Variants in MDGA2 observed in about 807,000 individuals in gnomAD.
MDGA2 encodes MAM domain-containing glycosylphosphatidylinositol anchor protein 2.
In MDGA2, 40 loss-of-function variants were observed where a neutral mutation model predicts 117.8. The observed-to-expected ratio is 0.34, with a 90% CI of 0.26 to 0.44. The LOEUF (loss-of-function observed/expected upper bound fraction) is 0.44. MDGA2 is among the 20% of genes least tolerant of loss of function. The pLI, the probability that MDGA2 is intolerant of heterozygous loss-of-function variation, is 1.00. For missense variants in MDGA2, 1,123 were observed against 1,250.6 expected (o/e 0.90, Z 1.54); for synonymous variants, 452 against 439.0 (o/e 1.03, Z -0.37).
intron 1 of MDGA2, among the ~76,000 whole-genome samples, chr14:47,311,050 T>G (rs759732880): frequency 3.3e-5 from 5 of 152,118 alleles, no homozygotes; most frequent in Non-Finnish European, 7.4e-5. Flanking sequence ...TTGCCTCTTA[T>G]AAATTATCAC....
rs577289003 is a variant in MDGA2, at chr14:47,000,112, TAAA to T, written c.1819+34896_1819+34898del. On this transcript the variant is annotated intron_variant, in intron 8 of 16. Coordinates refer to ENST00000399232, the MANE Select transcript of MDGA2 (RefSeq NM_001113498.3). ...TGTATAAAAATAAAAATATTATAGC[TAAA>T]AAGTTACATGAATATTAGTGGTTGC... is the stretch of plus-strand genomic sequence containing the variant. Among the ~76,000 whole-genome samples, 52 of 151,452 alleles carry T rather than the reference TAAA, an allele frequency of 3.4e-4. 1 individual carries two copies. The South Asian group carries it at 0.011, about 31-fold the overall frequency.
chr14:46,982,705 C>CAAAAAAAAAA (rs59530070), intron 8 of MDGA2, among the ~76,000 whole-genome samples: 40 of 45,934 alleles, frequency 8.7e-4, no homozygotes, highest in African/African-American at 3.5e-3. Context: ...GAGACTCCAT[C>CAAAAAAAAAA]AAAAAAAAAA....
At chr14:47,624,044 G>A (rs1415227422) in intron 1 of MDGA2, among the ~76,000 whole-genome samples, 2 of 152,048 alleles carry the variant, frequency 1.3e-5, no homozygotes, top group Non-Finnish European at 2.9e-5. Flanking sequence ...CTTTTTTGAG[G>A]CACTGATTTT....
In MDGA2 at chr14:47,595,564, A is replaced by ACAC. The variant is rs59143027; in HGVS notation, c.280+78952_280+78953insGTG. The stretch of plus-strand genomic sequence containing the variant: ...CCAAAAAACAAAAAAAAACAAAAAA[A>ACAC]AAAAAAACCCAGCAACCCATAAAAA... On this transcript the variant is annotated intron_variant, in intron 1 of 16. Transcript: ENST00000399232. Among the ~76,000 whole-genome samples, 10 of 146,682 alleles carry ACAC rather than the reference A, an allele frequency of 6.8e-5. 1 individual carries two copies. The South Asian group carries it at 1.7e-3, about 25-fold the overall frequency.
intron 6 of MDGA2, among the ~76,000 whole-genome samples, chr14:47,072,774 T>C (rs972193201): frequency 1.3e-5 from 2 of 152,182 alleles, no homozygotes; most frequent in African/African-American, 2.4e-5. Context: ...GCTGCCATCC[T>C]TTAGAAATAC....
At chr14:47,227,575 A>G (rs1039247368) in intron 2 of MDGA2, among the ~76,000 whole-genome samples, 1 of 152,074 alleles carries the variant, frequency 6.6e-6, no homozygotes, top group Non-Finnish European at 1.5e-5. Flanking sequence ...GCCTTAACCA[A>G]TGGTAAGTTC....
At chr14:47,544,058 T>C (rs9323147) in intron 1 of MDGA2, among the ~76,000 whole-genome samples, 39,254 of 152,110 alleles carry the variant, frequency 0.26, 5,707 homozygotes, top group South Asian at 0.53. Context: ...ACGGGTCTTA[T>C]AAAGTTCTAA....
At chr14:47,626,780 A>C (rs796358079) in intron 1 of MDGA2, among the ~76,000 whole-genome samples, 1 of 152,166 alleles carries the variant, frequency 6.6e-6, no homozygotes, top group South Asian at 2.1e-4. Context: ...GCAGCCCGCC[A>C]TGCCTGAGCA....
intron 1 of MDGA2, among the ~76,000 whole-genome samples, chr14:47,333,424 T>A (rs1030832721): frequency 6.6e-6 from 1 of 151,940 alleles, no homozygotes; most frequent in African/African-American, 2.4e-5. Context: ...TACATTCTAA[T>A]GTGTAGTCAC....
intron 1 of MDGA2, among the ~76,000 whole-genome samples, chr14:47,607,912 G>A (rs1042032634): frequency 3.3e-5 from 5 of 151,966 alleles, no homozygotes; most frequent in African/African-American, 1.2e-4. Context: ...TATGATAAAA[G>A]CAAGCATTGT....
In MDGA2 at chr14:47,200,101, T is replaced by C. The variant is rs576497548; in HGVS notation, c.595+17920A>G. On this transcript the variant is annotated intron_variant, in intron 3 of 16. Coordinates refer to ENST00000399232, the MANE Select transcript of MDGA2 (RefSeq NM_001113498.3). ...AAGAAAACAGAATACATGCTTTATA[T>C]ATATTTATATATTTACTTGTATGTT... Among the ~76,000 whole-genome samples, 15 of 152,110 alleles carry C rather than the reference T, an allele frequency of 9.9e-5. No homozygotes were observed. The South Asian group carries it at 2.7e-3, about 27-fold the overall frequency.
intron 2 of MDGA2, among the ~76,000 whole-genome samples, chr14:47,261,751 G>A (rs1958098): frequency 0.82 from 124,642 of 152,094 alleles, 51,353 homozygotes; most frequent in East Asian, 0.93. Flanking sequence ...GATGAAAGAA[G>A]CTAACCTCTT....
At chr14:47,001,473 T>C (rs1887527334) in intron 8 of MDGA2, among the ~76,000 whole-genome samples, 1 of 152,070 alleles carries the variant, frequency 6.6e-6, no homozygotes, top group Non-Finnish European at 1.5e-5. Context: ...ACAAAACTTA[T>C]GTGGCTGAAA....
At chr14:47,056,269 T>C (rs1889671821) in intron 7 of MDGA2, among the ~76,000 whole-genome samples, 1 of 152,126 alleles carries the variant, frequency 6.6e-6, no homozygotes, top group Non-Finnish European at 1.5e-5. Context: ...TTGTGTACTG[T>C]AGTCCTGTGT....
chr14:46,886,623 T>G (rs909213870), intron 10 of MDGA2, among the ~76,000 whole-genome samples: 3 of 152,040 alleles, frequency 2.0e-5, no homozygotes, highest in African/African-American at 7.2e-5. Flanking sequence ...TGTTTTAGAT[T>G]AATGGTAGAT....
intron 2 of MDGA2, among the ~76,000 whole-genome samples, chr14:47,249,541 G>T (rs989802413): frequency 6.6e-6 from 1 of 151,988 alleles, no homozygotes; most frequent in African/African-American, 2.4e-5. Context: ...GCCTAGGCTG[G>T]TCTTGAACTC....
chr14:46,929,599 GTGTATATATATATATA>G (rs1238719247), intron 9 of MDGA2, among the ~76,000 whole-genome samples: 30 of 15,252 alleles, frequency 2.0e-3, no homozygotes, highest in African/African-American at 3.2e-3. Context: ...GTGTGTGTGT[GTGTATATATATATATA>G]TATATATATA....
chr14:47,323,434 T>C (rs1378013079), intron 1 of MDGA2, among the ~76,000 whole-genome samples: 1 of 151,630 alleles, frequency 6.6e-6, no homozygotes, highest in Non-Finnish European at 1.5e-5. Flanking sequence ...GAGACTAGCC[T>C]GGCCAATATG....
At chr14:47,416,992 T>C (rs933454107) in intron 1 of MDGA2, among the ~76,000 whole-genome samples, 42 of 152,090 alleles carry the variant, frequency 2.8e-4, no homozygotes, top group African/African-American at 9.9e-4. Context: ...AGAAAACATA[T>C]AGGTAATCTT....
Sources: allele counts gnomAD v4.1 joint callset (sites outside exome capture counted in the v4.1 genomes callset), GRCh38; gene constraint gnomAD v4.1.1; transcripts MANE v1.5; gene names NCBI Gene and HGNC (gene_info 2026-07-23, HGNC 2026-07-21).